Variants in PPP1R7 observed in about 807,000 individuals in gnomAD.
PPP1R7 encodes the protein protein phosphatase 1 regulatory subunit 22.
In PPP1R7, 18 loss-of-function variants were observed where a neutral mutation model predicts 45.2. The observed-to-expected ratio is 0.40, with a 90% CI of 0.28 to 0.59. The LOEUF (loss-of-function observed/expected upper bound fraction) is 0.59. Among genes scored for constraint, PPP1R7 ranks in the 20% least tolerant of loss-of-function variants. PPP1R7 has a pLI of 0.46. For missense variants in PPP1R7, 314 were observed against 455.8 expected (o/e 0.69, Z 2.83); for synonymous variants, 181 against 183.4 (o/e 0.99, Z 0.11).
intron 9 of PPP1R7, 23 bp downstream of exon 9, chr2:241,169,890 T>C (rs1559425266): frequency 5.2e-6 from 8 of 1,548,606 alleles, no homozygotes; most frequent in Non-Finnish European, 7.1e-6. Context: ...CACGCTGGGG[T>C]TGATGACACT....
At chr2:241,163,459 G>A in intron 7 of PPP1R7, 58 bp downstream of exon 7, 2 of 1,211,768 alleles carry the variant, frequency 1.7e-6, no homozygotes, top group Non-Finnish European at 2.4e-6. Context: ...AGCGCTGCTG[G>A]ACACAATCTT....
At chr2:241,174,257 G>T (rs1031677993) in intron 9 of PPP1R7, among the ~76,000 whole-genome samples, 9 of 152,236 alleles carry the variant, frequency 5.9e-5, no homozygotes, top group African/African-American at 1.9e-4. Context: ...CTCCACTGTG[G>T]TTGACGGGAA....
At chr2:241,170,491 C>T (rs997667091) in intron 9 of PPP1R7, among the ~76,000 whole-genome samples, 1 of 152,214 alleles carries the variant, frequency 6.6e-6, no homozygotes, top group Non-Finnish European at 1.5e-5. Flanking sequence ...TGCTAGGATT[C>T]CCTTAGAGAA....
intron 5 of PPP1R7, 127 bp downstream of exon 5, chr2:241,159,470 G>GC: frequency 1.6e-6 from 2 of 1,214,158 alleles, no homozygotes; most frequent in Non-Finnish European, 2.2e-6. Context: ...ACAGGGTCCT[G>GC]CCCTGCATCT....
chr2:241,149,809 G>T (rs1001519465), upstream of PPP1R7: 3 of 1,531,564 alleles, frequency 2.0e-6, no homozygotes, highest in African/African-American at 2.7e-5. Context: ...GTAGACGAAG[G>T]CTGCAGCGTC....
chr2:241,179,749 G>T (rs2067968678), intron 9 of PPP1R7, among the ~76,000 whole-genome samples: 1 of 152,196 alleles, frequency 6.6e-6, no homozygotes, highest in African/African-American at 2.4e-5. Context: ...CTGGGATTCA[G>T]GAGCCTCTGG....
At chr2:241,167,078 T>C in intron 8 of PPP1R7, 1 of 1,611,346 alleles carries the variant, frequency 6.2e-7, no homozygotes. Flanking sequence ...AGGGGAAGTG[T>C]GCTCACAGAG....
chr2:241,180,188 G>T (rs2067975820), intron 9 of PPP1R7, among the ~76,000 whole-genome samples: 1 of 152,170 alleles, frequency 6.6e-6, no homozygotes, highest in African/African-American at 2.4e-5. Flanking sequence ...TTTTTAAATA[G>T]ACTATGCTAC....
At chr2:241,170,793 G>C (rs960636567) in intron 9 of PPP1R7, among the ~76,000 whole-genome samples, 3 of 152,086 alleles carry the variant, frequency 2.0e-5, no homozygotes, top group Admixed American at 2.0e-4. Context: ...GTGGCACTGG[G>C]TCTTGAGTAG....
chr2:241,182,502 T>C (rs1366920269), intron 9 of PPP1R7, 145 bp from the exon 10 acceptor site: 2 of 979,470 alleles, frequency 2.0e-6, no homozygotes, highest in African/African-American at 1.6e-5. Flanking sequence ...CAAGAGGCCA[T>C]GGAAGGTCCC....
At chr2:241,150,885 T>G (rs1048088222) in intron 1 of PPP1R7, among the ~76,000 whole-genome samples, 1 of 152,052 alleles carries the variant, frequency 6.6e-6, no homozygotes, top group African/African-American at 2.4e-5. Context: ...CGGGGGAGCC[T>G]CCTCGGTCAG....
At chr2:241,172,457 C>T (rs1354922072) in intron 9 of PPP1R7, among the ~76,000 whole-genome samples, 1 of 151,920 alleles carries the variant, frequency 6.6e-6, no homozygotes, top group Admixed American at 6.6e-5. Flanking sequence ...CCAGCCTGGC[C>T]AACGTGGTGA....
At chr2:241,157,479 C>T (rs2067485131) in intron 2 of PPP1R7, among the ~76,000 whole-genome samples, 1 of 152,264 alleles carries the variant, frequency 6.6e-6, no homozygotes, top group African/African-American at 2.4e-5. Flanking sequence ...CTCACCTGCA[C>T]TCAGCTACTT....
chr2:241,176,553 G>A (rs187199664), intron 9 of PPP1R7, among the ~76,000 whole-genome samples: 56 of 151,814 alleles, frequency 3.7e-4, no homozygotes, highest in African/African-American at 1.2e-3. Context: ...CACCTCCCGG[G>A]TTCAAGTGAT....
intron 7 of PPP1R7, among the ~76,000 whole-genome samples, chr2:241,165,132 A>G (rs1189690603): frequency 1.3e-5 from 2 of 152,096 alleles, no homozygotes; most frequent in Non-Finnish European, 2.9e-5. Context: ...AATCAGGTAA[A>G]CCTTCACCAA....
intron 2 of PPP1R7, among the ~76,000 whole-genome samples, chr2:241,156,397 G>A (rs1041464630): frequency 1.2e-4 from 18 of 152,258 alleles, no homozygotes; most frequent in Non-Finnish European, 2.2e-4. Context: ...TGGGCTGGGT[G>A]CAGTGGCTCG....
chr2:241,157,884 A>G (rs2067493972), intron 3 of PPP1R7, 22 bp downstream of exon 3: 1 of 1,609,614 alleles, frequency 6.2e-7, no homozygotes, highest in Non-Finnish European at 8.5e-7. Context: ...TGCTCAGCCC[A>G]GCCTTGGGCG....
At chr2:241,166,965 C>T in intron 8 of PPP1R7, 2 of 1,238,536 alleles carry the variant, frequency 1.6e-6, no homozygotes, top group South Asian at 1.3e-5. Flanking sequence ...TTCCTCCTCC[C>T]CCATTCCTCC....
Position 241,182,833 on chromosome 2 carries a change from G to A in PPP1R7, c.*10G>A, listed in dbSNP as rs367909879. The stretch of plus-strand genomic sequence containing the variant: ...GTTCGTCAGGTTCTGAGTCCTTCTT[G>A]GCTCCTCATGTGGTCCCTCTCCTCG... On this transcript the variant is annotated 3_prime_UTR_variant, in exon 10 of 10. Coordinates refer to ENST00000234038, the MANE Select transcript of PPP1R7 (RefSeq NM_002712.3). 1 of 1,604,906 alleles carries A rather than the reference G, an allele frequency of 6.2e-7. No individual in the cohort carries two copies. The highest frequency in any genetic ancestry group is 2.2e-5 in the East Asian group (1 of 44,600).
Sources: gnomAD v4.1 joint callset for allele counts (sites outside exome capture counted in the v4.1 genomes callset) on GRCh38, gnomAD v4.1.1 for gene constraint, MANE v1.5 for transcripts, NCBI Gene and HGNC (gene_info 2026-07-23, HGNC 2026-07-21) for gene names.